FAM193A: variants seen among roughly 807,000 people sequenced by gnomAD.
The protein encoded by FAM193A is family with sequence similarity 193 member A.
A neutral mutation model predicts 126.5 loss-of-function variants in FAM193A; 22 were observed. The observed-to-expected ratio is 0.17, with a 90% CI of 0.12 to 0.25. FAM193A has a LOEUF of 0.25. Among genes scored for constraint, FAM193A ranks in the 10% least tolerant of loss-of-function variants. FAM193A has a pLI of 1.00. For synonymous variants in FAM193A, 761 were observed against 646.8 expected (o/e 1.18, Z -2.68); for missense variants, 1,675 against 1,672.8 (o/e 1.00, Z -0.02).
chr4:2,725,525 C>A lies in FAM193A; in HGVS notation c.4455-6250C>A, dbSNP rs1221592384. On this transcript the variant is annotated intron_variant, in intron 20 of 20. Transcript: ENST00000637812. Reference sequence around the variant, plus strand: ...AAATGTGAGAGCGGGTACATCCTACCCCTTCCCCCACCTCAAGCTGAGTAA... The same window carrying A: ...AAATGTGAGAGCGGGTACATCCTACACCTTCCCCCACCTCAAGCTGAGTAA... Among the ~76,000 whole-genome samples, 4 of 151,434 alleles carry A rather than the reference C, an allele frequency of 2.6e-5. No homozygotes were observed. In the East Asian group the frequency reaches 5.8e-4, roughly 22 times the overall value.
chr4:2,668,955 G>A (rs2109146178), intron 12 of FAM193A, among the ~76,000 whole-genome samples: 1 of 152,186 alleles, frequency 6.6e-6, no homozygotes, highest in Non-Finnish European at 1.5e-5. Flanking sequence ...CAGTTCTCCT[G>A]CCTCAGCCAC....
chr4:2,717,583 G>C (rs1372507906), intron 20 of FAM193A, among the ~76,000 whole-genome samples: 2 of 139,474 alleles, frequency 1.4e-5, no homozygotes, highest in African/African-American at 5.6e-5. Flanking sequence ...GAAACAGAGA[G>C]AGACTTTGTC....
At chr4:2,677,416 G>A (rs960856213) in intron 13 of FAM193A, among the ~76,000 whole-genome samples, 5 of 151,816 alleles carry the variant, frequency 3.3e-5, no homozygotes, top group Non-Finnish European at 7.4e-5. Context: ...GTTTTGTTTT[G>A]TTTTGTTTTG....
intron 13 of FAM193A, among the ~76,000 whole-genome samples, chr4:2,674,319 C>T (rs1345033948): frequency 6.6e-6 from 1 of 152,208 alleles, no homozygotes; most frequent in East Asian, 1.9e-4. Flanking sequence ...TGCCTAAATG[C>T]ATAATGCGTT....
rs1577170196 is a variant in FAM193A at position 2,667,918 on chromosome 4, C to T, written c.2080-4203C>T. On this transcript the variant is annotated intron_variant, in intron 12 of 20. Transcript: ENST00000637812. ...AAATACAATATGTATCTCTTTTTTT[C>T]TTAGAGACAGGGTCTTGCTCTGTTA... Among the ~76,000 whole-genome samples, 3 of 151,638 alleles carry T rather than the reference C, an allele frequency of 2.0e-5. No homozygotes were observed. In the East Asian group the frequency reaches 5.8e-4, roughly 29 times the overall value.
chr4:2,731,799 G>A lies in FAM193A; in HGVS notation c.4479G>A (p.Gln1493=), dbSNP rs1185204752. The A allele has an allele frequency of 6.2e-7, 1 of 1,614,016 alleles. No homozygotes were observed. The highest frequency in any genetic ancestry group is 1.3e-5 in the African/African-American group (1 of 74,946). The change falls in exon 21 of 21, where the codon CAG becomes CAA. Residue 1493 remains glutamine, a synonymous_variant. Coordinates refer to ENST00000637812, the MANE Select transcript of FAM193A (RefSeq NM_001366318.2). The part of the protein sequence containing the change: ...FKRFCLDSAR[Q]TRQRLSINWS... ...GGTTCTGCTTGGATTCTGCTAGACA[G>A]ACCCGACAAAGACTGTCTATCAACT...
intron 13 of FAM193A, among the ~76,000 whole-genome samples, chr4:2,683,363 C>T (rs1266571538): frequency 2.0e-5 from 3 of 151,758 alleles, no homozygotes; most frequent in South Asian, 2.1e-4. Context: ...GGCGCCATCT[C>T]GGCTCTCTGT....
chr4:2,594,536 CA>C (rs1322731241), intron 1 of FAM193A, among the ~76,000 whole-genome samples: 1 of 152,184 alleles, frequency 6.6e-6, no homozygotes, highest in African/African-American at 2.4e-5. Flanking sequence ...CTCTCACCTC[CA>C]CCCCACTGTG....
At chr4:2,556,279 C>T (rs1305924002) in intron 1 of FAM193A, among the ~76,000 whole-genome samples, 8 of 151,850 alleles carry the variant, frequency 5.3e-5, no homozygotes, top group Admixed American at 1.3e-4. Flanking sequence ...GATCTCGGCT[C>T]GCTGCAACCT....
chr4:2,639,766 C>T lies in FAM193A; in HGVS notation c.1070C>T (p.Thr357Met). The change falls in exon 6 of 21, where the codon ACG (threonine) becomes ATG (methionine). Residue 357 changes from threonine to methionine, a missense_variant. Physicochemically the swap from Thr to Met is moderately conservative, Grantham distance 81. Transcript: ENST00000637812. ...ENEHLKKFQV[T>M]WELHNKHLFE... is the part of the protein sequence containing the mutation. ...GAACACTTGAAAAAGTTCCAAGTGA[C>T]GTGGGAACTGCATAATAAACACCTG... 1.2e-6 allele frequency: 2 copies of T among 1,612,872 alleles called. No individual in the cohort carries two copies. The highest frequency in any genetic ancestry group is 1.7e-6 in the Non-Finnish European group (2 of 1,179,154).
chr4:2,609,885 C>T (rs923631953), intron 2 of FAM193A, among the ~76,000 whole-genome samples: 5 of 150,222 alleles, frequency 3.3e-5, no homozygotes, highest in Admixed American at 6.7e-5. Flanking sequence ...GCTGAGATGG[C>T]GCTACAGCAC....
At chr4:2,558,572 A>T (rs1212764170) in intron 1 of FAM193A, among the ~76,000 whole-genome samples, 1 of 152,138 alleles carries the variant, frequency 6.6e-6, no homozygotes, top group Non-Finnish European at 1.5e-5. Flanking sequence ...GGGGGGGATG[A>T]GATCTTGTAT....
At chr4:2,683,572 C>T (rs1020416220) in intron 13 of FAM193A, among the ~76,000 whole-genome samples, 1 of 152,222 alleles carries the variant, frequency 6.6e-6, no homozygotes, top group Admixed American at 6.5e-5. Context: ...AGATTACAGG[C>T]ATGAGCCATG....
rs534046694 is a variant in FAM193A, at chr4:2,544,747, T to G, written c.255+7577T>G. On this transcript the variant is annotated intron_variant, in intron 1 of 20. Transcript: ENST00000637812. Reference sequence around the variant, plus strand: ...AGCCTGGTGTGGTGGTGTATACCTGTAATCCCAGTTATGTAGGAGGCTCAG... The same window carrying G: ...AGCCTGGTGTGGTGGTGTATACCTGGAATCCCAGTTATGTAGGAGGCTCAG... 9.2e-5 allele frequency among the ~76,000 whole-genome samples: 14 copies of G among 152,132 alleles called. No individual in the cohort carries two copies. In the South Asian group the frequency reaches 2.9e-3, roughly 32 times the overall value.
intron 19 of FAM193A, among the ~76,000 whole-genome samples, chr4:2,702,350 T>C (rs561909857): frequency 4.6e-5 from 7 of 152,340 alleles, no homozygotes; most frequent in African/African-American, 1.7e-4. Context: ...TTTTATACTT[T>C]GTGTCATGGT....
At chr4:2,665,153 TC>T (rs1712963067) in intron 12 of FAM193A, among the ~76,000 whole-genome samples, 1 of 152,206 alleles carries the variant, frequency 6.6e-6, no homozygotes, top group African/African-American at 2.4e-5. Context: ...CTTTAATTTT[TC>T]TCAGTAGTTC....
intron 1 of FAM193A, among the ~76,000 whole-genome samples, chr4:2,589,647 A>G (rs1291655431): frequency 6.6e-6 from 1 of 152,214 alleles, no homozygotes; most frequent in Admixed American, 6.5e-5. Flanking sequence ...ATTGTTACCA[A>G]TCTCTTTGTA....
intron 2 of FAM193A, among the ~76,000 whole-genome samples, chr4:2,615,936 T>G (rs1394109752): frequency 1.3e-5 from 2 of 151,888 alleles, no homozygotes; most frequent in African/African-American, 4.8e-5. Context: ...CTCAGCCTTC[T>G]GAGTAGCTGG....
intron 1 of FAM193A, among the ~76,000 whole-genome samples, chr4:2,580,686 T>C (rs1038851466): frequency 1.2e-4 from 18 of 152,192 alleles, no homozygotes; most frequent in African/African-American, 3.9e-4. Flanking sequence ...GGCTCCTCAC[T>C]CTCTTGCCAT....
Sources: gnomAD v4.1 joint callset for allele counts (sites outside exome capture counted in the v4.1 genomes callset) on GRCh38, gnomAD v4.1.1 for gene constraint, MANE v1.5 for transcripts, NCBI Gene and HGNC (gene_info 2026-07-23, HGNC 2026-07-21) for gene names.